FAR2: variants seen among roughly 807,000 people sequenced by gnomAD.
The protein encoded by FAR2 is epididymis secretory protein Li 81.
Under a neutral mutation model 56.0 loss-of-function variants are expected in FAR2, and 19 were observed. The observed-to-expected ratio is 0.34, with a 90% confidence interval of 0.24 to 0.50. The LOEUF is 0.50. Among genes scored for constraint, FAR2 ranks in the 20% least tolerant of loss-of-function variants. FAR2 has a pLI of 0.98. For synonymous variants in FAR2, 219 were observed against 218.8 expected (o/e 1.00, Z -0.01); for missense variants, 508 against 642.2 (o/e 0.79, Z 2.26).
chr12:29,241,769 C>G (rs1948040293), intron 1 of FAR2, among the ~76,000 whole-genome samples: 1 of 152,194 alleles, frequency 6.6e-6, no homozygotes, highest in African/African-American at 2.4e-5. Context: ...AGCAGCAGGA[C>G]TTGGGTTGCT....
In FAR2 at chr12:29,321,654, GA is replaced by G. The variant is rs531096103; in HGVS notation, c.1128-135del. 7.2e-6 allele frequency: 7 copies of G among 976,468 alleles called. No homozygotes were observed. In the African/African-American group the frequency reaches 8.6e-5, roughly 12 times the overall value. The allele number at this position is 976,468 out of a possible 1,614,324, so 60.5% of individuals were successfully genotyped here. A position where few individuals can be genotyped will look rare whatever the true frequency, so the allele number is the denominator to read the frequency against. ...TGAATAGAGAGTTAATGTGGAAGGA[GA>G]AAAAAGAAGAAGAATTTTAATGAGG... On this transcript the variant is annotated intron_variant, in intron 9 of 11. Coordinates refer to ENST00000536681, the MANE Select transcript of FAR2 (RefSeq NM_001271783.2).
At position 29,174,004 on chromosome 12, in the gene FAR2, G is replaced by A. The variant is rs1949912373; in HGVS notation, c.-39+24597G>A. ...CTTACTGACACATTCTCGAAAACCT[G>A]TTGGAGTCCTAAGCATTCTCCTGTT... On this transcript the variant is annotated intron_variant, in intron 1 of 11. Coordinates refer to ENST00000536681, the MANE Select transcript of FAR2 (RefSeq NM_001271783.2). Among the ~76,000 whole-genome samples, 3 of 152,160 alleles carry A rather than the reference G, an allele frequency of 2.0e-5. No individual in the cohort carries two copies. The South Asian group carries it at 6.2e-4, about 32-fold the overall frequency.
chr12:29,301,076 C>T (rs2136767847), intron 4 of FAR2, among the ~76,000 whole-genome samples: 3 of 152,310 alleles, frequency 2.0e-5, no homozygotes, highest in Admixed American at 2.0e-4. Flanking sequence ...CAGGCCTGAG[C>T]TCCCTTTCTT....
chr12:29,190,328 A>AG lies in FAR2; in HGVS notation c.-39+40921_-39+40922insG, dbSNP rs1363535178. Among the ~76,000 whole-genome samples, 7 of 151,330 alleles carry AG rather than the reference A, an allele frequency of 4.6e-5. No homozygotes were observed. The East Asian group carries it at 1.4e-3, about 29-fold the overall frequency. Reference sequence around the variant, plus strand: ...GAAGGCAAGAGTGATGACAGAAAAAAAAAAAGGATCAGCACTGAGTCCCAA... The same window carrying AG: ...GAAGGCAAGAGTGATGACAGAAAAAAGAAAAAGGATCAGCACTGAGTCCCAA... On this transcript the variant is annotated intron_variant, in intron 1 of 11. Coordinates refer to ENST00000536681, the MANE Select transcript of FAR2 (RefSeq NM_001271783.2).
intron 1 of FAR2, among the ~76,000 whole-genome samples, chr12:29,240,285 C>T (rs1948006770): frequency 1.3e-5 from 2 of 152,176 alleles, no homozygotes; most frequent in African/African-American, 2.4e-5. Flanking sequence ...CCTGCATTTC[C>T]AGGGATTCCT....
At chr12:29,162,375 G>A (rs754746062) in intron 1 of FAR2, among the ~76,000 whole-genome samples, 1 of 152,170 alleles carries the variant, frequency 6.6e-6, no homozygotes, top group Non-Finnish European at 1.5e-5. Context: ...CAGTCTGGAT[G>A]CCTCAGAATG....
intron 10 of FAR2, 61 bp from the exon 11 acceptor site, chr12:29,332,539 T>G: frequency 1.2e-6 from 2 of 1,602,910 alleles, no homozygotes; most frequent in Non-Finnish European, 1.7e-6. Flanking sequence ...AAACCTCAAG[T>G]GGACAAAGTG....
chr12:29,311,412 T>C lies in FAR2; in HGVS notation c.887+266T>C, dbSNP rs1949349231. On this transcript the variant is annotated intron_variant, in intron 7 of 11. Coordinates refer to ENST00000536681, the MANE Select transcript of FAR2 (RefSeq NM_001271783.2). ...TCTTGATAACCAAAAGGCTTTTCTT[T>C]CTATTCAGTAGTCTAAAATTCAGCT... is the stretch of plus-strand genomic sequence containing the variant. Among the ~76,000 whole-genome samples, 2 of 152,134 alleles carry C rather than the reference T, an allele frequency of 1.3e-5. 1 individual carries two copies. Among genetic ancestry groups the C allele is most frequent in the South Asian group, 4.1e-4 (2 of 4,830 alleles).
chr12:29,246,796 A>G (rs1401108937), intron 1 of FAR2, among the ~76,000 whole-genome samples: 1 of 152,084 alleles, frequency 6.6e-6, no homozygotes, highest in Non-Finnish European at 1.5e-5. Context: ...AATGCCTAAA[A>G]CTTTTGCTGA....
chr12:29,195,907 A>G (rs563631521), intron 1 of FAR2, among the ~76,000 whole-genome samples: 1 of 152,196 alleles, frequency 6.6e-6, no homozygotes, highest in Non-Finnish European at 1.5e-5. Context: ...CTGTATGTCC[A>G]TGTGTACACA....
chr12:29,203,560 G>A (rs533732370), intron 1 of FAR2, among the ~76,000 whole-genome samples: 1 of 152,294 alleles, frequency 6.6e-6, no homozygotes, highest in African/African-American at 2.4e-5. Context: ...ATCCACCTCT[G>A]AGGTGACTGA....
At chr12:29,253,677 C>A (rs1233095877) in intron 1 of FAR2, among the ~76,000 whole-genome samples, 3 of 152,058 alleles carry the variant, frequency 2.0e-5, no homozygotes, top group African/African-American at 7.2e-5. Flanking sequence ...TCACCCAGAG[C>A]AAATAAAAAG....
intron 2 of FAR2, among the ~76,000 whole-genome samples, chr12:29,276,697 C>T (rs962578109): frequency 2.0e-5 from 3 of 152,024 alleles, no homozygotes; most frequent in African/African-American, 7.2e-5. Context: ...AGTTACTGGC[C>T]ATCTATGAGA....
intron 9 of FAR2, among the ~76,000 whole-genome samples, chr12:29,318,983 TTC>T (rs1491268036): frequency 6.6e-6 from 1 of 151,978 alleles, no homozygotes. Flanking sequence ...TCTTTTTTTT[TTC>T]TTTTTCTTTT....
At chr12:29,294,149 A>G (rs1949018062) in intron 3 of FAR2, among the ~76,000 whole-genome samples, 1 of 152,216 alleles carries the variant, frequency 6.6e-6, no homozygotes, top group Admixed American at 6.5e-5. Flanking sequence ...AAATTATTTT[A>G]ATGTTGCTAA....
intron 1 of FAR2, among the ~76,000 whole-genome samples, chr12:29,209,952 A>T (rs1453812253): frequency 1.3e-5 from 2 of 152,172 alleles, no homozygotes; most frequent in African/African-American, 4.8e-5. Context: ...CAGACCTGTA[A>T]TTCTAGCACT....
intron 9 of FAR2, among the ~76,000 whole-genome samples, chr12:29,318,441 AAG>A (rs1159689724): frequency 6.6e-6 from 1 of 152,256 alleles, no homozygotes; most frequent in Non-Finnish European, 1.5e-5. Context: ...GTTAGGAAAA[AAG>A]AGAAACACAG....
At chr12:29,164,816 A>G (rs1949811461) in intron 1 of FAR2, among the ~76,000 whole-genome samples, 1 of 152,188 alleles carries the variant, frequency 6.6e-6, no homozygotes. Flanking sequence ...AGAAGCAGGA[A>G]AAACAAAACT....
At chr12:29,330,369 T>C (rs1949714706) in intron 10 of FAR2, among the ~76,000 whole-genome samples, 1 of 152,154 alleles carries the variant, frequency 6.6e-6, no homozygotes, top group East Asian at 1.9e-4. Context: ...TTTATGATTT[T>C]TAAAAAGTTA....
Sources: gnomAD v4.1 joint callset for allele counts (sites outside exome capture counted in the v4.1 genomes callset) on GRCh38, gnomAD v4.1.1 for gene constraint, MANE v1.5 for transcripts, NCBI Gene and HGNC (gene_info 2026-07-23, HGNC 2026-07-21) for gene names.